Variants in ERAP1 observed in about 807,000 individuals in gnomAD.
ERAP1 encodes endoplasmic reticulum aminopeptidase 1.
In ERAP1, 86 loss-of-function variants were observed where a neutral mutation model predicts 103.7. That is an observed-to-expected ratio of 0.83 (90% CI 0.70 to 0.99). ERAP1 has a LOEUF of 0.99. ERAP1 is among the 50% of genes least tolerant of loss of function. The pLI is 0.00. For synonymous variants in ERAP1, 398 were observed against 402.4 expected (o/e 0.99, Z 0.13); for missense variants, 1,009 against 1,128.4 (o/e 0.89, Z 1.52).
At chr5:96,838,136 C>G in the ERAP1 span, among the ~76,000 whole-genome samples, 1 of 152,148 alleles carries the variant, frequency 6.6e-6, no homozygotes, top group Non-Finnish European at 1.5e-5. Context: ...CACTTTGGGC[C>G]GTGGTTCCAG....
Position 96,793,484 on chromosome 5 carries a change from C to T in ERAP1, c.1104G>A (p.Trp368Ter). 6.2e-7 allele frequency: 1 copy of T among 1,613,864 alleles called. No homozygotes were observed. Among genetic ancestry groups the T allele is most frequent in the East Asian group, 2.2e-5 (1 of 44,812 alleles). ...CTTCATTTAGCCAAAGATCATTCCA[C>T]CATTCCATAGTGACCAGGTTCCCAA... is the stretch of plus-strand genomic sequence containing the variant. ...QWFGNLVTME[W>*]WNDLWLNEGF... Residue 368 changes from tryptophan to a stop codon, truncating the protein, a stop_gained, in exon 7 of 19, where the codon TGG (tryptophan) becomes TGA (stop). Transcript: ENST00000443439. LOFTEE classifies it high-confidence loss of function.
intron 2 of ERAP1, among the ~76,000 whole-genome samples, chr5:96,801,460 G>A (rs1418387717): frequency 4.2e-5 from 4 of 94,484 alleles, no homozygotes; most frequent in Non-Finnish European, 7.1e-5. Context: ...CCTGTCTCGG[G>A]AAGAAAAAAA....
chr5:96,798,871 CTTTTT>C (rs10646647), intron 3 of ERAP1, among the ~76,000 whole-genome samples: 4 of 124,878 alleles, frequency 3.2e-5, no homozygotes, highest in Non-Finnish European at 1.6e-5. Flanking sequence ...CAAAAATTTC[CTTTTT>C]TTTTTTTTTG....
At chr5:96,926,309 T>A in the ERAP1 span, among the ~76,000 whole-genome samples, 27 of 152,318 alleles carry the variant, frequency 1.8e-4, no homozygotes, top group African/African-American at 5.8e-4. Context: ...ATATCAGAGA[T>A]ATAATTTACA....
the ERAP1 span, among the ~76,000 whole-genome samples, chr5:96,860,607 A>G: frequency 1.1e-4 from 16 of 152,076 alleles, no homozygotes; most frequent in Admixed American, 6.6e-5. Context: ...CAACCTTACT[A>G]TATTACTGTC....
chr5:96,929,381 A>T, the ERAP1 span, among the ~76,000 whole-genome samples: 1 of 152,148 alleles, frequency 6.6e-6, no homozygotes, highest in African/African-American at 2.4e-5. Context: ...ACACATGCCC[A>T]AAATAAGTTA....
At chr5:96,835,378 T>C in the ERAP1 span, among the ~76,000 whole-genome samples, 1 of 152,176 alleles carries the variant, frequency 6.6e-6, no homozygotes, top group African/African-American at 2.4e-5. Context: ...CATGAATTGC[T>C]ACAAGGATCT....
At chr5:96,903,164 T>C in the ERAP1 span, among the ~76,000 whole-genome samples, 1 of 152,228 alleles carries the variant, frequency 6.6e-6, no homozygotes, top group Admixed American at 6.5e-5. Flanking sequence ...TCAGCAGTCT[T>C]ATTCCTATGA....
chr5:96,867,108 GTGA>G, the ERAP1 span, among the ~76,000 whole-genome samples: 19 of 151,594 alleles, frequency 1.3e-4, no homozygotes, highest in Non-Finnish European at 1.8e-4. Context: ...CCAGGTTCAA[GTGA>G]TTCTCCTGCC....
the ERAP1 span, among the ~76,000 whole-genome samples, chr5:96,884,499 T>G: frequency 6.6e-6 from 1 of 152,054 alleles, no homozygotes; most frequent in African/African-American, 2.4e-5. Flanking sequence ...CTTTTAAGTT[T>G]CACAAGTAAT....
At chr5:96,915,720 T>A in the ERAP1 span, 4 of 1,596,280 alleles carry the variant, frequency 2.5e-6, no homozygotes, top group African/African-American at 5.4e-5. Context: ...ATAAGGATGA[T>A]CATCTCTGGC....
chr5:96,827,034 G>A, the ERAP1 span, among the ~76,000 whole-genome samples: 2 of 152,216 alleles, frequency 1.3e-5, no homozygotes, highest in Non-Finnish European at 2.9e-5. Flanking sequence ...GGGGAGGAGA[G>A]TAGTTAGAAT....
At chr5:96,884,080 A>G in the ERAP1 span, 2 of 578,294 alleles carry the variant, frequency 3.5e-6, no homozygotes, top group East Asian at 3.4e-5. Context: ...CTATCTATCT[A>G]TCATCATAAT....
At chr5:96,836,489 AC>A in the ERAP1 span, among the ~76,000 whole-genome samples, 1 of 152,204 alleles carries the variant, frequency 6.6e-6, no homozygotes, top group Non-Finnish European at 1.5e-5. Flanking sequence ...GGCGTGAGCC[AC>A]CACGCCTGGT....
chr5:96,902,022 G>A, the ERAP1 span, among the ~76,000 whole-genome samples: 1 of 152,222 alleles, frequency 6.6e-6, no homozygotes, highest in Admixed American at 6.5e-5. Flanking sequence ...GATTAGGACA[G>A]CAAATGACAC....
chr5:96,792,137 G>A lies in ERAP1; in HGVS notation c.1244C>T (p.Ser415Phe). 1.2e-6 allele frequency: 2 copies of A among 1,613,836 alleles called. No individual in the cohort carries two copies. The highest frequency in any genetic ancestry group is 8.5e-7 in the Non-Finnish European group (1 of 1,179,782). Residue 415 changes from serine (S) to phenylalanine (F), a missense_variant, in exon 8 of 19, where the codon TCC becomes TTC. By Grantham distance (155) the Ser-to-Phe change is radical. This residue lies in a region of ERAP1 where 611 missense variants were observed against 651.7 expected (regional missense o/e 0.94). Coordinates refer to ENST00000443439, the MANE Select transcript of ERAP1 (RefSeq NM_001040458.3). The stretch of plus-strand genomic sequence containing the variant: ...CACAGGTGTAGACACAGGGTGTGAG[G>A]AATTTAAAGCATCTACCTCCATTGC... ...FDAMEVDALN[S>F]SHPVSTPVEN...
At chr5:96,783,852 CACAT>C (rs878912252) in intron 14 of ERAP1, 68 bp downstream of exon 14, 36 of 373,046 alleles carry the variant, frequency 9.7e-5, no homozygotes, top group East Asian at 9.5e-4. Flanking sequence ...CACACACACA[CACAT>C]ACACACACAA....
the ERAP1 span, among the ~76,000 whole-genome samples, chr5:96,929,431 TTCCC>T: frequency 9.2e-5 from 14 of 152,010 alleles, 1 homozygote; most frequent in African/African-American, 3.4e-4. Flanking sequence ...CTTTCCTTCC[TTCCC>T]TCCCTCCCTC....
rs1774007532 is a variant in ERAP1 at position 96,775,334 on chromosome 5, T to C, written c.*1062A>G. ...TATGAGCAAATATTTTGTTTCACAA[T>C]GTACTATCATTTATTGGTGACTGCA... On this transcript the variant is annotated 3_prime_UTR_variant, in exon 19 of 19. Transcript: ENST00000443439. The C allele has an allele frequency of 7.0e-5, 69 of 984,706 alleles. No homozygotes were observed. The highest frequency in any genetic ancestry group is 3.3e-4 in the South Asian group (7 of 21,246). The allele number at this position is 984,706 out of a possible 1,614,324, so 61.0% of individuals were successfully genotyped here.
Sources: allele counts gnomAD v4.1 joint callset (sites outside exome capture counted in the v4.1 genomes callset), GRCh38; gene constraint gnomAD v4.1.1; regional missense constraint gnomAD v4.1.1; transcripts MANE v1.5; gene names NCBI Gene and HGNC (gene_info 2026-07-23, HGNC 2026-07-21).